The following KIF1B variants were observed in gnomAD, a reference collection of about 807,000 sequenced individuals.
KIF1B encodes kinesin family member 1B.
KIF1B carries 76 observed loss-of-function variants against 241.9 expected under a neutral mutation model. The ratio of observed to expected loss-of-function variants is 0.31; its 90% confidence interval spans 0.26 to 0.38. KIF1B has a LOEUF of 0.38. Ranked by LOEUF, KIF1B falls within the 10% of genes least tolerant of loss-of-function variation. The pLI is 1.00. For missense variants in KIF1B, 1,622 were observed against 2,271.4 expected (o/e 0.71, Z 5.81); for synonymous variants, 750 against 796.7 (o/e 0.94, Z 0.99).
intron 15 of KIF1B, among the ~76,000 whole-genome samples, chr1:10,289,601 T>G (rs1279744110): frequency 1.3e-5 from 2 of 152,182 alleles, no homozygotes; most frequent in Non-Finnish European, 2.9e-5. Flanking sequence ...GATTATATCA[T>G]GGCGGGGCAC....
chr1:10,256,364 C>T (rs778824736), intron 3 of KIF1B, 41 bp downstream of exon 3: 1 of 1,309,964 alleles, frequency 7.6e-7, no homozygotes, highest in Non-Finnish European at 1.1e-6. Context: ...CTCCTGCCTC[C>T]TTTCCTCTTT....
Position 10,284,843 on chromosome 1 carries a change from CAG to C in KIF1B, c.1434+2313_1434+2314del, listed in dbSNP as rs373865416. ...CGCCAATGCCCTCCAGCCTGGGCAA[CAG>C]AGTGAGACTCCATCTCAAAAAAAAA... On this transcript the variant is annotated intron_variant, in intron 15 of 48. Coordinates refer to ENST00000676179, the MANE Select transcript of KIF1B (RefSeq NM_001365951.3). Among the ~76,000 whole-genome samples the C allele has an allele frequency of 2.2e-3, 332 of 151,702 alleles. 1 individual carries two copies. The highest frequency in any genetic ancestry group is 7.7e-3 in the African/African-American group (318 of 41,248).
At position 10,365,260 on chromosome 1, in the gene KIF1B, G is replaced by A; in HGVS notation, c.4512+15G>A. 6.2e-7 allele frequency: 1 copy of A among 1,613,820 alleles called. No homozygotes were observed. Reference sequence around the variant, plus strand: ...TCCTACATGAGGTATCCAGGGGCAGGGTTGTTCAGATGCAAGAACTCTCGG... The same window carrying A: ...TCCTACATGAGGTATCCAGGGGCAGAGTTGTTCAGATGCAAGAACTCTCGG... On this transcript the variant is annotated intron_variant, in intron 42 of 48. Transcript: ENST00000676179. This position sits in a 1 kb window ranked among gnomAD's most constrained non-coding sequence, Gnocchi z 4.0.
At position 10,374,698 on chromosome 1, in the gene KIF1B, G is replaced by A. The variant is rs532399783; in HGVS notation, c.5097-156G>A. Among the ~76,000 whole-genome samples, 1 of 152,308 alleles carries A rather than the reference G, an allele frequency of 6.6e-6. No individual in the cohort carries two copies. The highest frequency in any genetic ancestry group is 1.9e-4 in the East Asian group (1 of 5,186). ...GCCATGGCACGGTTTCGCTTTTGCC[G>A]TATTACTTTGGCAGATAAGATTCTA... On this transcript the variant is annotated intron_variant, in intron 46 of 48. Coordinates refer to ENST00000676179, the MANE Select transcript of KIF1B (RefSeq NM_001365951.3). The surrounding 1 kb of genome is among the most constrained non-coding windows in gnomAD (Gnocchi z 4.3).
rs368503281 is a variant in KIF1B at position 10,303,570 on chromosome 1, C to A, written c.2115+6324C>A. 2 of 1,614,084 alleles carry A rather than the reference C, an allele frequency of 1.2e-6. No homozygotes were observed. The highest frequency in any genetic ancestry group is 1.1e-5 in the South Asian group (1 of 91,076). On this transcript the variant is annotated intron_variant, in intron 22 of 48. Coordinates refer to ENST00000676179, the MANE Select transcript of KIF1B (RefSeq NM_001365951.3). This position sits in a 1 kb window ranked among gnomAD's most constrained non-coding sequence, Gnocchi z 5.2. ...CAGTGGCCAGGGACGTCTGGGATAC[C>A]GTCGGTGTTGGGGATGAGAAGATCG...
chr1:10,276,223 A>G, intron 11 of KIF1B, 98 bp from the exon 12 acceptor site: 1 of 841,646 alleles, frequency 1.2e-6, no homozygotes, highest in Non-Finnish European at 2.0e-6. Flanking sequence ...ATTACATTAA[A>G]TCTTAGGATC....
At chr1:10,227,667 G>T (rs1646927483) in intron 1 of KIF1B, 1 of 152,844 alleles carries the variant, frequency 6.5e-6, no homozygotes, top group Non-Finnish European at 1.5e-5. Flanking sequence ...AATTAACCTG[G>T]TGGTGTGTTG....
chr1:10,242,342 G>T (rs180796223), intron 2 of KIF1B, among the ~76,000 whole-genome samples: 1 of 152,190 alleles, frequency 6.6e-6, no homozygotes, highest in Non-Finnish European at 1.5e-5. Flanking sequence ...ACAGGGCGTA[G>T]CCTACTCCAT....
chr1:10,255,239 G>A (rs12137527), intron 2 of KIF1B, among the ~76,000 whole-genome samples: 21,085 of 151,940 alleles, frequency 0.14, 1,581 homozygotes, highest in South Asian at 0.18. Flanking sequence ...GGGAGCCACC[G>A]CGCCCAGCTC....
chr1:10,351,932 C>T (rs568380776), intron 37 of KIF1B, among the ~76,000 whole-genome samples: 1 of 152,166 alleles, frequency 6.6e-6, no homozygotes, highest in African/African-American at 2.4e-5. Context: ...ATGATCAAAC[C>T]ACTGCTCTCC....
In KIF1B at chr1:10,345,948, A is replaced by C. The variant is rs1405012277; in HGVS notation, c.3792A>C (p.Thr1264=). 1 of 1,594,322 alleles carries C rather than the reference A, an allele frequency of 6.3e-7. No individual in the cohort carries two copies. The highest frequency in any genetic ancestry group is 8.6e-7 in the Non-Finnish European group (1 of 1,161,954). ...VWFEISELEP[T]GEYIPAVVDH... ...TTGAGATCAGTGAACTGGAGCCTAC[A>C]GGAGAGTAAGTCCAACTTAATAAAT... The change falls in exon 35 of 49, where the codon ACA becomes ACC. Residue 1264 remains threonine, a synonymous_variant. Transcript: ENST00000676179.
At chr1:10,216,608 G>A (rs1329243288) in intron 1 of KIF1B, among the ~76,000 whole-genome samples, 1 of 152,052 alleles carries the variant, frequency 6.6e-6, no homozygotes. Flanking sequence ...TGTAGTCCGA[G>A]GTCTCCCTTA....
intron 19 of KIF1B, among the ~76,000 whole-genome samples, 166 bp downstream of exon 19, chr1:10,295,932 G>T (rs893022765): frequency 1.3e-5 from 2 of 151,488 alleles, no homozygotes. Flanking sequence ...GGACAAGGCT[G>T]CTTTACATGA....
At chr1:10,263,457 C>T (rs548449407) in intron 5 of KIF1B, among the ~76,000 whole-genome samples, 7 of 151,922 alleles carry the variant, frequency 4.6e-5, no homozygotes, top group African/African-American at 1.2e-4. Context: ...GCCTTTTAAG[C>T]GATCTTGAGA....
chr1:10,220,681 A>G (rs1646833589), intron 1 of KIF1B, among the ~76,000 whole-genome samples: 1 of 152,008 alleles, frequency 6.6e-6, no homozygotes, highest in African/African-American at 2.4e-5. Context: ...TTCTTTTTTG[A>G]GACAGAGTTT....
At chr1:10,215,419 A>G (rs1646756028) in intron 1 of KIF1B, among the ~76,000 whole-genome samples, 2 of 151,366 alleles carry the variant, frequency 1.3e-5, no homozygotes, top group African/African-American at 4.9e-5. Context: ...CAGGTGATCC[A>G]CCCACCTTGG....
chr1:10,268,523 A>G (rs1648595562), intron 7 of KIF1B, among the ~76,000 whole-genome samples: 1 of 152,182 alleles, frequency 6.6e-6, no homozygotes, highest in Non-Finnish European at 1.5e-5. Context: ...AAAACTACTC[A>G]ATACAAGACA....
chr1:10,236,442 C>T lies in KIF1B; in HGVS notation c.106+4008C>T, dbSNP rs576819442. Among the ~76,000 whole-genome samples, 26 of 152,296 alleles carry T rather than the reference C, an allele frequency of 1.7e-4. No individual in the cohort carries two copies. The South Asian group carries it at 4.1e-3, about 24-fold the overall frequency. Reference sequence around the variant, plus strand: ...CATTGTTTCCCTGCATGTACAATTTCGGCAGGAGTAATTTGTGACTTTTAA... The same window carrying T: ...CATTGTTTCCCTGCATGTACAATTTTGGCAGGAGTAATTTGTGACTTTTAA... On this transcript the variant is annotated intron_variant, in intron 2 of 48. Transcript: ENST00000676179.
At chr1:10,261,728 G>T (rs1453702740) in intron 4 of KIF1B, among the ~76,000 whole-genome samples, 177 bp from the exon 5 acceptor site, 1 of 152,130 alleles carries the variant, frequency 6.6e-6, no homozygotes, top group Non-Finnish European at 1.5e-5. Flanking sequence ...CCGAATCATG[G>T]TTATGCAGCG....
Sources: allele counts gnomAD v4.1 joint callset (sites outside exome capture counted in the v4.1 genomes callset), GRCh38; gene constraint gnomAD v4.1.1; non-coding constraint Gnocchi (gnomAD v3.1); transcripts MANE v1.5; gene names NCBI Gene and HGNC (gene_info 2026-07-23, HGNC 2026-07-21).